ATP6V1C2: variants seen among roughly 807,000 people sequenced by gnomAD.
ATP6V1C2 encodes the protein ATPase H+ transporting V1 subunit C2.
Under a neutral mutation model 56.8 loss-of-function variants are expected in ATP6V1C2, and 45 were observed. The observed-to-expected ratio is 0.79, with a 90% CI of 0.62 to 1.02. The LOEUF is 1.02. Among genes scored for constraint, ATP6V1C2 ranks in the 50% least tolerant of loss-of-function variants. The pLI is 0.00. For synonymous variants in ATP6V1C2, 220 were observed against 201.3 expected, an observed-to-expected ratio of 1.09 and a Z score of -0.79; for missense variants, 463 against 519.7, an observed-to-expected ratio of 0.89 and a Z score of 1.06.
rs1408080724 is a variant in ATP6V1C2, at chr2:10,784,620, A to C, written c.*1357A>C. 1 of 506,736 alleles carries C rather than the reference A, an allele frequency of 2.0e-6. No homozygotes were observed. The highest frequency in any genetic ancestry group is 3.7e-5 in the Admixed American group (1 of 26,788). The allele number at this position is 506,736 out of a possible 1,614,324, so 31.4% of individuals were successfully genotyped here. ...CAGTACAGAAATAAGTGCTAATTTC[A>C]AAGCTATCATTTTCTATTTTTCTAA... On this transcript the variant is annotated 3_prime_UTR_variant, in exon 14 of 14. Coordinates refer to ENST00000272238, the MANE Select transcript of ATP6V1C2 (RefSeq NM_001039362.2).
intron 10 of ATP6V1C2, among the ~76,000 whole-genome samples, chr2:10,776,465 C>T (rs1664995482): frequency 6.6e-6 from 1 of 152,136 alleles, no homozygotes; most frequent in Admixed American, 6.5e-5. Context: ...GTCTTCAGAG[C>T]AGGGCCCACA....
At position 10,782,358 on chromosome 2, in the gene ATP6V1C2, G is replaced by A. The variant is rs138596209; in HGVS notation, c.1177G>A (p.Ala393Thr). The A allele has an allele frequency of 4.3e-6, 7 of 1,614,120 alleles. No homozygotes were observed. Among genetic ancestry groups the A allele is most frequent in the South Asian group, 3.3e-5 (3 of 91,070 alleles). ...SVFRHLDEVA[A>T]TSILDASVEI... ...CTTCCGACATCTGGATGAAGTAGCC[G>A]CTACAAGTATACTGGATGTAGGTAT... The change falls in exon 13 of 14, where the codon GCT becomes ACT. Residue 393 changes from alanine to threonine, a missense_variant. By Grantham distance (58) the Ala-to-Thr change is moderately conservative. Transcript: ENST00000272238.
intron 3 of ATP6V1C2, among the ~76,000 whole-genome samples, chr2:10,751,570 C>T (rs1029133519): frequency 1.3e-5 from 2 of 152,122 alleles, no homozygotes; most frequent in African/African-American, 4.8e-5. Flanking sequence ...GGATGGGCTA[C>T]AGTGACGGTA....
At chr2:10,748,121 C>T (rs1348748196) in intron 3 of ATP6V1C2, among the ~76,000 whole-genome samples, 1 of 152,196 alleles carries the variant, frequency 6.6e-6, no homozygotes, top group Non-Finnish European at 1.5e-5. Flanking sequence ...TGGTCTCGAA[C>T]TCCTGACCTC....
intron 3 of ATP6V1C2, among the ~76,000 whole-genome samples, chr2:10,739,080 G>A (rs1389596797): frequency 6.6e-6 from 1 of 152,122 alleles, no homozygotes; most frequent in Non-Finnish European, 1.5e-5. Context: ...TCGGAAGTTG[G>A]AGACCAGCCT....
At chr2:10,744,823 C>T (rs1572534623) in intron 3 of ATP6V1C2, among the ~76,000 whole-genome samples, 1 of 150,820 alleles carries the variant, frequency 6.6e-6, no homozygotes, top group East Asian at 2.0e-4. Flanking sequence ...CGTGCGCCAC[C>T]ACGCCCAGCT....
intron 3 of ATP6V1C2, among the ~76,000 whole-genome samples, chr2:10,751,053 A>G (rs1663186483): frequency 6.6e-6 from 1 of 152,208 alleles, no homozygotes; most frequent in Admixed American, 6.5e-5. Flanking sequence ...ATAACAGAAG[A>G]TGCACTTGCA....
Position 10,737,097 on chromosome 2 carries a change from C to A in ATP6V1C2, c.197+10528C>A, listed in dbSNP as rs181486338. On this transcript the variant is annotated intron_variant, in intron 3 of 13. Coordinates refer to ENST00000272238, the MANE Select transcript of ATP6V1C2 (RefSeq NM_001039362.2). Reference sequence around the variant, plus strand: ...TTATTTTTGTTTTTGTTTTTCATTTCTAATTCTGTTGCTTTGTTAGAAAAT... The same window carrying A: ...TTATTTTTGTTTTTGTTTTTCATTTATAATTCTGTTGCTTTGTTAGAAAAT... Among the ~76,000 whole-genome samples the A allele has an allele frequency of 1.9e-3, 293 of 151,264 alleles. 2 individuals carry two copies. Among genetic ancestry groups the A allele is most frequent in the Non-Finnish European group, 3.7e-3 (249 of 67,874 alleles).
At chr2:10,779,401 G>A (rs1665203646) in intron 12 of ATP6V1C2, among the ~76,000 whole-genome samples, 1 of 132,636 alleles carries the variant, frequency 7.5e-6, no homozygotes, top group Admixed American at 7.9e-5. Context: ...GAGCCACCAT[G>A]CCCGGCCTTT....
chr2:10,750,100 A>T (rs1663127042), intron 3 of ATP6V1C2, among the ~76,000 whole-genome samples: 1 of 152,242 alleles, frequency 6.6e-6, no homozygotes, highest in East Asian at 1.9e-4. Context: ...CAGCTAAGTC[A>T]GGGCTGTTTG....
chr2:10,776,768 C>T (rs1665018626), intron 10 of ATP6V1C2, among the ~76,000 whole-genome samples: 1 of 152,210 alleles, frequency 6.6e-6, no homozygotes. Flanking sequence ...TGCCAGACCC[C>T]CGGGGAACAG....
intron 4 of ATP6V1C2, among the ~76,000 whole-genome samples, chr2:10,755,726 C>T (rs1663515479): frequency 2.6e-5 from 4 of 152,198 alleles, no homozygotes; most frequent in Admixed American, 2.0e-4. Flanking sequence ...CGATTTATCC[C>T]TTTGCCCAAA....
intron 3 of ATP6V1C2, among the ~76,000 whole-genome samples, chr2:10,747,777 C>T (rs1282224905): frequency 6.6e-6 from 1 of 152,010 alleles, no homozygotes; most frequent in African/African-American, 2.4e-5. Context: ...GAGATGGCTT[C>T]CTGTCTTCTG....
At chr2:10,750,528 CA>C (rs55787913) in intron 3 of ATP6V1C2, among the ~76,000 whole-genome samples, 108,035 of 143,622 alleles carry the variant, frequency 0.75, 40,002 homozygotes, top group Non-Finnish European at 0.78. Context: ...AAACGAAAAG[CA>C]AAAAAAAAAA....
rs1665288170 is a variant in ATP6V1C2, at chr2:10,780,625, C to T, written c.1062-1618C>T. The stretch of plus-strand genomic sequence containing the variant: ...TACATGGCCCCAGATCAACCCTGCC[C>T]GGCTCAGAAGTCGGTTGCTCTCAGG... On this transcript the variant is annotated intron_variant, in intron 12 of 13. Coordinates refer to ENST00000272238, the MANE Select transcript of ATP6V1C2 (RefSeq NM_001039362.2). The surrounding 1 kb of genome is among the most constrained non-coding windows in gnomAD (Gnocchi z 4.1). 6.6e-6 allele frequency among the ~76,000 whole-genome samples: 1 copy of T among 152,240 alleles called. No individual in the cohort carries two copies. The highest frequency in any genetic ancestry group is 6.5e-5 in the Admixed American group (1 of 15,290).
intron 4 of ATP6V1C2, among the ~76,000 whole-genome samples, chr2:10,756,284 C>G (rs910102820): frequency 1.3e-5 from 2 of 151,534 alleles, no homozygotes; most frequent in African/African-American, 4.9e-5. Context: ...TGCTTGAACC[C>G]GGGAGGCAGA....
rs772489644 is a variant in ATP6V1C2 at position 10,775,030 on chromosome 2, G to A, written c.784G>A (p.Glu262Lys). 1.7e-5 allele frequency: 27 copies of A among 1,613,996 alleles called. No homozygotes were observed. The highest frequency in any genetic ancestry group is 2.2e-5 in the East Asian group (1 of 44,886). The stretch of plus-strand genomic sequence containing the variant: ...TGAGAAGGAAATTGAAAGGGAAAGG[G>A]AGGAGATGGCCAGATTGCTGTCTGA... ...YDEKEIERER[E>K]EMARLLSDKK... Residue 262 changes from glutamate (E) to lysine (K), a missense_variant, in exon 10 of 14, where the codon GAG becomes AAG. By Grantham distance (56) the Glu-to-Lys change is moderately conservative. Transcript: ENST00000272238.
intron 9 of ATP6V1C2, 29 bp from the exon 10 acceptor site, chr2:10,774,949 G>A (rs753010489): frequency 1.9e-6 from 3 of 1,612,920 alleles, no homozygotes; most frequent in Non-Finnish European, 2.5e-6. Flanking sequence ...AAGCTTCTGA[G>A]TGAAAACCCA....
At position 10,775,078 on chromosome 2, in the gene ATP6V1C2, A is replaced by T. The variant is rs1358748348; in HGVS notation, c.825+7A>T. The T allele has an allele frequency of 6.2e-7, 1 of 1,610,648 alleles. No homozygotes were observed. Among genetic ancestry groups the T allele is most frequent in the Non-Finnish European group, 8.5e-7 (1 of 1,177,066 alleles). ...TGATAAGAAGCAACAGTATGTGAGT[A>T]TGTGATTGAGCAGCTCCTCCCGCCC... is the stretch of plus-strand genomic sequence containing the variant. On this transcript the variant is annotated splice_region_variant and intron_variant, in intron 10 of 13. Coordinates refer to ENST00000272238, the MANE Select transcript of ATP6V1C2 (RefSeq NM_001039362.2).
Sources: allele counts gnomAD v4.1 joint callset (sites outside exome capture counted in the v4.1 genomes callset), GRCh38; gene constraint gnomAD v4.1.1; non-coding constraint Gnocchi (gnomAD v3.1); transcripts MANE v1.5; gene names NCBI Gene and HGNC (gene_info 2026-07-23, HGNC 2026-07-21).